The following TNRC6B variants were observed in gnomAD, a reference collection of about 807,000 sequenced individuals.
TNRC6B encodes trinucleotide repeat containing adaptor 6B.
Under a neutral mutation model 203.6 loss-of-function variants are expected in TNRC6B, and 52 were observed. The observed-to-expected ratio is 0.26, with a 90% CI of 0.20 to 0.32. TNRC6B has a LOEUF of 0.32. Among genes scored for constraint, TNRC6B ranks in the 10% least tolerant of loss-of-function variants. The pLI is 1.00. For missense variants in TNRC6B, 1,923 were observed against 2,286.2 expected, an observed-to-expected ratio of 0.84 and a Z score of 3.24; for synonymous variants, 838 against 845.7, an observed-to-expected ratio of 0.99 and a Z score of 0.16.
chr22:40,181,654 A>G (rs2069130897), intron 1 of TNRC6B, among the ~76,000 whole-genome samples: 1 of 152,220 alleles, frequency 6.6e-6, no homozygotes. Flanking sequence ...TTCTTAAAGA[A>G]GCCAAATAGG....
At chr22:40,315,699 AG>A (rs2071248336) in intron 20 of TNRC6B, among the ~76,000 whole-genome samples, 192 bp downstream of exon 20, 1 of 152,270 alleles carries the variant, frequency 6.6e-6, no homozygotes, top group African/African-American at 2.4e-5. Flanking sequence ...GGACAGATGG[AG>A]TAAAATGAGT....
intron 4 of TNRC6B, among the ~76,000 whole-genome samples, chr22:40,161,456 A>G (rs1419072665): frequency 1.3e-5 from 2 of 152,180 alleles, no homozygotes; most frequent in Admixed American, 6.6e-5. Flanking sequence ...TAATTAGCTG[A>G]TCTGTGCCAC....
intron 3 of TNRC6B, among the ~76,000 whole-genome samples, chr22:40,144,835 AAT>A (rs1242167780): frequency 6.6e-6 from 1 of 152,046 alleles, no homozygotes; most frequent in Non-Finnish European, 1.5e-5. Context: ...ATTTATAGTT[AAT>A]AGGGCGATCT....
At chr22:40,079,109 C>G (rs906178183) in intron 1 of TNRC6B, among the ~76,000 whole-genome samples, 7 of 152,070 alleles carry the variant, frequency 4.6e-5, no homozygotes, top group African/African-American at 1.4e-4. Context: ...AACAGGGTTT[C>G]GCCGTGTTGC....
chr22:40,322,793 C>T, intron 22 of TNRC6B, 61 bp from the exon 23 acceptor site: 1 of 1,596,598 alleles, frequency 6.3e-7, no homozygotes, highest in Non-Finnish European at 8.5e-7. Context: ...TGCAGTCGCT[C>T]CCTCCGTATG....
intron 1 of TNRC6B, among the ~76,000 whole-genome samples, chr22:40,082,491 C>T (rs535894694): frequency 2.0e-5 from 3 of 152,166 alleles, no homozygotes; most frequent in Non-Finnish European, 4.4e-5. Flanking sequence ...AGCAGGTAAA[C>T]AGAGTCCATG....
intron 1 of TNRC6B, among the ~76,000 whole-genome samples, chr22:40,201,682 C>T (rs2069414192): frequency 6.6e-6 from 1 of 151,970 alleles, no homozygotes; most frequent in South Asian, 2.1e-4. Context: ...ACCTCGGCCT[C>T]TTGAGTAGCT....
At chr22:40,209,214 A>G (rs1390443356) in intron 1 of TNRC6B, among the ~76,000 whole-genome samples, 1 of 152,194 alleles carries the variant, frequency 6.6e-6, no homozygotes, top group Admixed American at 6.5e-5. Flanking sequence ...TGGCTAAGAG[A>G]GTCCAATTTA....
chr22:40,154,420 C>T (rs191312374), intron 3 of TNRC6B, among the ~76,000 whole-genome samples: 3 of 151,472 alleles, frequency 2.0e-5, no homozygotes, highest in Non-Finnish European at 2.9e-5. Flanking sequence ...GCCAAGATCA[C>T]GTCATTGCAC....
chr22:40,189,593 A>T lies in TNRC6B; in HGVS notation c.5+11453A>T, dbSNP rs897892640. 5.3e-4 allele frequency among the ~76,000 whole-genome samples: 81 copies of T among 152,098 alleles called. 1 individual carries two copies. Among genetic ancestry groups the T allele is most frequent in the Non-Finnish European group, 2.1e-4 (14 of 68,022 alleles). On this transcript the variant is annotated intron_variant, in intron 1 of 22. Transcript: ENST00000454349. The stretch of plus-strand genomic sequence containing the variant: ...ATTTCTTAACGTCTTTAGGGTGGGA[A>T]TGTGCATTGGAAATCTTAGTGATGT...
At chr22:40,107,048 C>G (rs2068290600) in intron 1 of TNRC6B, 1 of 870,716 alleles carries the variant, frequency 1.1e-6, no homozygotes, top group South Asian at 1.4e-5. Flanking sequence ...TCTTCTTCTT[C>G]TTTTCTACAC....
At chr22:40,291,946 A>G (rs1269511202) in intron 12 of TNRC6B, among the ~76,000 whole-genome samples, 2 of 152,234 alleles carry the variant, frequency 1.3e-5, no homozygotes, top group Non-Finnish European at 2.9e-5. Flanking sequence ...TAATCCCAGC[A>G]CTTTGGGAGG....
chr22:40,044,955 C>A (rs1156557088), exon 1 of TNRC6B: 1 of 152,234 alleles, frequency 6.6e-6, no homozygotes, highest in South Asian at 2.1e-4. Flanking sequence ...CGCGCCTCGC[C>A]TCACAGCGAA....
chr22:40,173,508 T>A (rs1432732602), upstream of TNRC6B, among the ~76,000 whole-genome samples: 6 of 149,134 alleles, frequency 4.0e-5, no homozygotes, highest in Admixed American at 4.1e-4. Flanking sequence ...AAGGCTGGAG[T>A]ACAGTGGCGT....
At chr22:40,183,288 A>C (rs1038844494) in intron 1 of TNRC6B, among the ~76,000 whole-genome samples, 3 of 152,146 alleles carry the variant, frequency 2.0e-5, no homozygotes, top group Non-Finnish European at 4.4e-5. Flanking sequence ...TGTTGAATGA[A>C]CCAGAAAGGC....
At chr22:40,076,253 C>CA in intron 1 of TNRC6B, among the ~76,000 whole-genome samples, 1 of 152,222 alleles carries the variant, frequency 6.6e-6, no homozygotes, top group Middle Eastern at 3.4e-3. Flanking sequence ...CCCATCTCAA[C>CA]AAAAAATACA....
intron 1 of TNRC6B, among the ~76,000 whole-genome samples, chr22:40,090,478 T>C (rs893343808): frequency 2.0e-5 from 3 of 152,136 alleles, no homozygotes; most frequent in African/African-American, 7.2e-5. Flanking sequence ...ATTTGCCATC[T>C]GTATATCTTC....
chr22:40,281,931 C>T (rs1431773461), intron 11 of TNRC6B, among the ~76,000 whole-genome samples: 1 of 152,190 alleles, frequency 6.6e-6, no homozygotes, highest in Admixed American at 6.5e-5. Context: ...GAGGATCATG[C>T]CTCCTCACCT....
chr22:40,317,380 C>A (rs927469576), intron 21 of TNRC6B, among the ~76,000 whole-genome samples: 11 of 152,144 alleles, frequency 7.2e-5, no homozygotes, highest in Non-Finnish European at 8.8e-5. Context: ...GAGGTCGAGA[C>A]CATCCTGGCC....
Sources: gnomAD v4.1 joint callset for allele counts (sites outside exome capture counted in the v4.1 genomes callset) on GRCh38, gnomAD v4.1.1 for gene constraint, MANE v1.5 for transcripts, NCBI Gene and HGNC (gene_info 2026-07-23, HGNC 2026-07-21) for gene names.